SOX6: variants seen among roughly 807,000 people sequenced by gnomAD.
SOX6 encodes transcription factor SOX-6.
In SOX6, 11 loss-of-function variants were observed where a neutral mutation model predicts 97.8. The observed-to-expected ratio is 0.11, with a 90% CI of 0.07 to 0.19. SOX6 has a LOEUF of 0.19. Ranked by LOEUF, SOX6 falls within the 10% of genes least tolerant of loss-of-function variation. The pLI is 1.00. For missense variants in SOX6, 810 were observed against 1,039.5 expected, an observed-to-expected ratio of 0.78 and a Z score of 3.04; for synonymous variants, 360 against 371.4, an observed-to-expected ratio of 0.97 and a Z score of 0.35.
chr11:16,524,352 A>G (rs1380683398), intron 4 of SOX6, among the ~76,000 whole-genome samples: 1 of 151,860 alleles, frequency 6.6e-6, no homozygotes. Context: ...GTAATCCAGC[A>G]TATAAACAGA....
chr11:16,591,325 A>C (rs1848148868), intron 4 of SOX6, among the ~76,000 whole-genome samples: 1 of 73,704 alleles, frequency 1.4e-5, no homozygotes, highest in African/African-American at 5.2e-5. Context: ...ATACATAGAT[A>C]GATAGATAGA....
At chr11:16,564,581 A>C (rs1055845513) in intron 4 of SOX6, among the ~76,000 whole-genome samples, 2 of 152,106 alleles carry the variant, frequency 1.3e-5, no homozygotes, top group Non-Finnish European at 2.9e-5. Flanking sequence ...AAAACTCAAC[A>C]AATTTTTAAA....
intron 3 of SOX6, among the ~76,000 whole-genome samples, chr11:16,690,958 C>G (rs1321967072): frequency 6.6e-6 from 1 of 152,212 alleles, no homozygotes; most frequent in Non-Finnish European, 1.5e-5. Flanking sequence ...TAGGAAGCAT[C>G]TGAAGATTAG....
chr11:16,201,968 A>G (rs1379789476), intron 4 of SOX6, among the ~76,000 whole-genome samples: 2 of 152,126 alleles, frequency 1.3e-5, no homozygotes, highest in African/African-American at 4.8e-5. Flanking sequence ...TTAATTTAAA[A>G]TTCATAGAAA....
At chr11:16,348,069 G>C (rs1218929360) in intron 1 of SOX6, among the ~76,000 whole-genome samples, 1 of 151,794 alleles carries the variant, frequency 6.6e-6, no homozygotes, top group Non-Finnish European at 1.5e-5. Flanking sequence ...GGGAAAAGGG[G>C]AGAAGGTAAA....
rs572679624 is a variant in SOX6, at chr11:16,475,596, G to A, written c.-5+719C>T. ...CACCTTATTTGGGCTTGTTTGGTGC[G>A]GCCCCATAATAATTACAATAGTAAC... On this transcript the variant is annotated intron_variant, in intron 1 of 15. Coordinates refer to the SOX6 transcript ENST00000396356. Among the ~76,000 whole-genome samples the A allele has an allele frequency of 4.6e-4, 70 of 152,034 alleles. 2 individuals are homozygous for A. The South Asian group carries it at 0.014, about 31-fold the overall frequency.
intron 3 of SOX6, among the ~76,000 whole-genome samples, chr11:16,260,484 T>C (rs1207459705): frequency 6.6e-6 from 1 of 152,144 alleles, no homozygotes; most frequent in Non-Finnish European, 1.5e-5. Flanking sequence ...ACACAACTAT[T>C]GCCTGAGCCA....
intron 3 of SOX6, among the ~76,000 whole-genome samples, chr11:16,245,044 TA>T: frequency 6.6e-6 from 1 of 151,982 alleles, no homozygotes; most frequent in South Asian, 2.1e-4. Flanking sequence ...AGGCAATTTT[TA>T]AGACTATATT....
At chr11:16,051,647 T>C (rs1847689353) in intron 10 of SOX6, among the ~76,000 whole-genome samples, 1 of 152,186 alleles carries the variant, frequency 6.6e-6, no homozygotes, top group Non-Finnish European at 1.5e-5. Flanking sequence ...TTTGTTCCTT[T>C]ACTCACATCT....
At chr11:16,000,667 C>A (rs1412233948) in intron 13 of SOX6, among the ~76,000 whole-genome samples, 1 of 152,060 alleles carries the variant, frequency 6.6e-6, no homozygotes, top group Non-Finnish European at 1.5e-5. Context: ...TTGAAGCTAT[C>A]TACATCAAGA....
chr11:16,582,751 C>T (rs1422323889), intron 4 of SOX6, among the ~76,000 whole-genome samples: 3 of 151,916 alleles, frequency 2.0e-5, no homozygotes, highest in Non-Finnish European at 4.4e-5. Flanking sequence ...AATATAATTA[C>T]CAACTGTCTC....
At chr11:16,426,704 G>T (rs1178447848) in intron 1 of SOX6, among the ~76,000 whole-genome samples, 1 of 151,794 alleles carries the variant, frequency 6.6e-6, no homozygotes, top group Non-Finnish European at 1.5e-5. Flanking sequence ...CACGAGGTCA[G>T]GAGATCGAGA....
chr11:16,257,740 G>A (rs1379548253), intron 3 of SOX6, among the ~76,000 whole-genome samples: 1 of 151,810 alleles, frequency 6.6e-6, no homozygotes, highest in Non-Finnish European at 1.5e-5. Flanking sequence ...ACTGCTCTGT[G>A]AAAGACACTG....
intron 3 of SOX6, among the ~76,000 whole-genome samples, chr11:16,692,238 T>C (rs546489661): frequency 8.0e-4 from 121 of 152,200 alleles, no homozygotes; most frequent in African/African-American, 2.8e-3. Context: ...GCCCAACTAA[T>C]TTTTGTATTT....
intron 6 of SOX6, among the ~76,000 whole-genome samples, chr11:16,167,573 C>T (rs953405021): frequency 5.9e-5 from 9 of 152,076 alleles, no homozygotes; most frequent in East Asian, 1.9e-4. Context: ...TTTTCTCTTT[C>T]GTTCACTCAC....
At chr11:16,525,755 G>C (rs1861149160) in intron 4 of SOX6, among the ~76,000 whole-genome samples, 2 of 151,850 alleles carry the variant, frequency 1.3e-5, no homozygotes. Context: ...CTAATATCCA[G>C]AATCTACAAT....
At chr11:16,364,784 G>T (rs1003704438) in intron 1 of SOX6, among the ~76,000 whole-genome samples, 1 of 152,068 alleles carries the variant, frequency 6.6e-6, no homozygotes, top group Non-Finnish European at 1.5e-5. Flanking sequence ...TTAGAAAAGG[G>T]CAGAGGCAGT....
Position 15,996,218 on chromosome 11 carries a change from G to T in SOX6, c.1733-6988C>A, listed in dbSNP as rs951452666. On this transcript the variant is annotated intron_variant, in intron 13 of 15. Transcript: ENST00000683767. ...TAGCATATTACCACAAAAGATGAGG[G>T]TATAAATAGAATTAGATTGTTAAAG... 2.0e-5 allele frequency among the ~76,000 whole-genome samples: 3 copies of T among 152,266 alleles called. No homozygotes were observed. The South Asian group carries it at 6.2e-4, about 32-fold the overall frequency.
At chr11:16,067,697 A>G (rs558357159) in intron 9 of SOX6, among the ~76,000 whole-genome samples, 1 of 152,290 alleles carries the variant, frequency 6.6e-6, no homozygotes, top group East Asian at 1.9e-4. Flanking sequence ...CAAAGGATAA[A>G]TGCTTGAGAG....
Sources: gnomAD v4.1 joint callset for allele counts (sites outside exome capture counted in the v4.1 genomes callset) on GRCh38, gnomAD v4.1.1 for gene constraint, MANE v1.5 for transcripts, NCBI Gene and HGNC (gene_info 2026-07-23, HGNC 2026-07-21) for gene names.